PLXNA2: variants seen among roughly 807,000 people sequenced by gnomAD.
PLXNA2 encodes the protein plexin-A2.
Under a neutral mutation model 193.5 loss-of-function variants are expected in PLXNA2, and 91 were observed. That is an observed-to-expected ratio of 0.47 (90% confidence interval 0.40 to 0.56). The LOEUF is 0.56. Ranked by LOEUF, PLXNA2 falls within the 20% of genes least tolerant of loss-of-function variation. The pLI is 0.00. For missense variants in PLXNA2, 1,995 were observed against 2,503.2 expected (o/e 0.80, Z 4.33); for synonymous variants, 997 against 1,027.3 (o/e 0.97, Z 0.56).
At chr1:208,135,895 G>A (rs859499) in intron 4 of PLXNA2, among the ~76,000 whole-genome samples, 48,367 of 152,056 alleles carry the variant, frequency 0.32, 8,002 homozygotes, top group South Asian at 0.39. Context: ...GACCGACTGC[G>A]TGACTGCCAA....
chr1:208,189,118 G>A (rs1013680092), intron 3 of PLXNA2, among the ~76,000 whole-genome samples: 2 of 152,194 alleles, frequency 1.3e-5, no homozygotes, highest in Non-Finnish European at 2.9e-5. Context: ...CAAGGACAAG[G>A]CATCTTGGGG....
intron 1 of PLXNA2, among the ~76,000 whole-genome samples, chr1:208,241,419 G>T (rs764322634): frequency 6.6e-6 from 1 of 152,290 alleles, no homozygotes; most frequent in Middle Eastern, 3.4e-3. Context: ...GGTTTTGGGC[G>T]ATGGACATAA....
At chr1:208,186,708 A>ATTTTGTTTTTTGTTTTT (rs368056918) in intron 3 of PLXNA2, among the ~76,000 whole-genome samples, 3 of 111,698 alleles carry the variant, frequency 2.7e-5, no homozygotes, top group East Asian at 3.6e-4. Context: ...TTGCAATGTT[A>ATTTTGTTTTTTGTTTTT]TTTTATTTTT....
intron 5 of PLXNA2, among the ~76,000 whole-genome samples, chr1:208,101,298 C>T (rs989878380): frequency 6.6e-6 from 1 of 152,196 alleles, no homozygotes; most frequent in East Asian, 1.9e-4. Flanking sequence ...TTAAAGAGGC[C>T]ACCGTGGGGA....
intron 12 of PLXNA2, 64 bp from the exon 13 acceptor site, chr1:208,060,901 T>TC (rs1242553302): frequency 5.7e-5 from 85 of 1,495,758 alleles, no homozygotes; most frequent in Admixed American, 1.8e-5. Flanking sequence ...GCAGCACCCT[T>TC]CCCCCTCCCC....
At chr1:208,186,708 A>ATTTTGTTTTTTTTTTTTTTTTTT (rs368056918) in intron 3 of PLXNA2, among the ~76,000 whole-genome samples, 1 of 111,698 alleles carries the variant, frequency 9.0e-6, no homozygotes, top group African/African-American at 3.0e-5. Flanking sequence ...TTGCAATGTT[A>ATTTTGTTTTTTTTTTTTTTTTTT]TTTTATTTTT....
rs541380918 is a variant in PLXNA2, at chr1:208,044,024, C to T, written c.3874+484G>A. Among the ~76,000 whole-genome samples, 53 of 152,300 alleles carry T rather than the reference C, an allele frequency of 3.5e-4. No individual in the cohort carries two copies. The highest frequency in any genetic ancestry group is 8.7e-4 in the African/African-American group (36 of 41,558). On this transcript the variant is annotated intron_variant, in intron 20 of 31. Coordinates refer to ENST00000367033, the MANE Select transcript of PLXNA2 (RefSeq NM_025179.4). This position sits in a 1 kb window ranked among gnomAD's most constrained non-coding sequence, Gnocchi z 4.9. ...CACAGCCAAGGACACCAGCAAGTGG[C>T]GGCCTTCAGAGCGCTCAGCCTGCAG...
chr1:208,045,277 A>G (rs1665023288), intron 18 of PLXNA2, 67 bp from the exon 19 acceptor site: 3 of 1,529,934 alleles, frequency 2.0e-6, no homozygotes, highest in Non-Finnish European at 2.7e-6. Context: ...TGCCTACTTA[A>G]AAAGAGATTA....
At chr1:208,164,754 GTCCGGCAGCGGC>G (rs1669243781) in intron 3 of PLXNA2, among the ~76,000 whole-genome samples, 1 of 152,312 alleles carries the variant, frequency 6.6e-6, no homozygotes, top group Non-Finnish European at 1.5e-5. Context: ...CTGGGCGTCA[GTCCGGCAGCGGC>G]TCCCTGGGGG....
chr1:208,110,573 G>A (rs767475451), intron 4 of PLXNA2, among the ~76,000 whole-genome samples: 38 of 152,216 alleles, frequency 2.5e-4, no homozygotes, highest in Non-Finnish European at 4.7e-4. Flanking sequence ...TGCCAGGCAC[G>A]TCACATAGAT....
At chr1:208,166,892 C>T (rs530893489) in intron 3 of PLXNA2, among the ~76,000 whole-genome samples, 4 of 152,286 alleles carry the variant, frequency 2.6e-5, no homozygotes, top group Non-Finnish European at 4.4e-5. Context: ...ACTCCTTCCT[C>T]CTCACTCCAA....
rs146769546 is a variant in PLXNA2 at position 208,203,424 on chromosome 1, G to A, written c.1371+6856C>T. Reference sequence around the variant, plus strand: ...TCAGATGGGCGGTCTCAGGTCCCAGGAGAGCCACTAAGTCTCTTAGATGTG... The same window carrying A: ...TCAGATGGGCGGTCTCAGGTCCCAGAAGAGCCACTAAGTCTCTTAGATGTG... On this transcript the variant is annotated intron_variant, in intron 3 of 31. Coordinates refer to ENST00000367033, the MANE Select transcript of PLXNA2 (RefSeq NM_025179.4). Among the ~76,000 whole-genome samples, 521 of 152,292 alleles carry A rather than the reference G, an allele frequency of 3.4e-3. 2 individuals are homozygous for A. Among genetic ancestry groups the A allele is most frequent in the African/African-American group, 0.012 (504 of 41,560 alleles).
rs1664418139 is a variant in PLXNA2 at position 208,028,883 on chromosome 1, G to A, written c.5385C>T (p.Ser1795=). The A allele has an allele frequency of 1.2e-6, 2 of 1,614,204 alleles. No individual in the cohort carries two copies. Among genetic ancestry groups the A allele is most frequent in the Non-Finnish European group, 1.7e-6 (2 of 1,180,032 alleles). Residue 1795 remains serine, a synonymous_variant, in exon 30 of 32, where the codon TCC becomes TCT. Coordinates refer to ENST00000367033, the MANE Select transcript of PLXNA2 (RefSeq NM_025179.4). This position sits in a 1 kb window ranked among gnomAD's most constrained non-coding sequence, Gnocchi z 4.2. The stretch of plus-strand genomic sequence containing the variant: ...TGTCCTTGGCATAGAGCAGCTTGTT[G>A]GAGGGGGAGTCCTTGCCCAGCCGGT... ...SEHRLGKDSP[S]NKLLYAKDIP... is the part of the protein sequence containing the mutation.
chr1:208,035,481 G>A (rs1309265510), intron 26 of PLXNA2, among the ~76,000 whole-genome samples: 1 of 152,126 alleles, frequency 6.6e-6, no homozygotes. Flanking sequence ...CATCCTCTAT[G>A]AGGGTACCCC....
chr1:208,131,663 C>A (rs1410007491), intron 4 of PLXNA2, among the ~76,000 whole-genome samples: 1 of 152,168 alleles, frequency 6.6e-6, no homozygotes, highest in East Asian at 1.9e-4. Context: ...TTGCATGGTT[C>A]ACACTTGAAA....
chr1:208,155,287 C>G (rs754208282), intron 3 of PLXNA2, among the ~76,000 whole-genome samples: 1 of 152,176 alleles, frequency 6.6e-6, no homozygotes, highest in Non-Finnish European at 1.5e-5. Context: ...CCTTCTGTCT[C>G]AGACCCTTTT....
Position 208,060,907 on chromosome 1 carries a change from T to A in PLXNA2, c.2587-70A>T. 3 of 1,465,384 alleles carry A rather than the reference T, an allele frequency of 2.0e-6. No homozygotes were observed. In the South Asian group the frequency reaches 3.7e-5, roughly 18 times the overall value. The allele number at this position is 1,465,384 out of a possible 1,614,324, so 90.8% of individuals were successfully genotyped here. The stretch of plus-strand genomic sequence containing the variant: ...ACAGAAACAGCAGCACCCTTCCCCC[T>A]CCCCCAGGGAGGTTTAAGAACCTCC... On this transcript the variant is annotated intron_variant, in intron 12 of 31. Transcript: ENST00000367033.
intron 8 of PLXNA2, among the ~76,000 whole-genome samples, chr1:208,095,548 T>C (rs921552831): frequency 6.6e-6 from 1 of 152,156 alleles, no homozygotes; most frequent in Non-Finnish European, 1.5e-5. Context: ...CCAGGTCTTT[T>C]TATCATGTGC....
At chr1:208,233,916 A>T (rs547615957) in intron 1 of PLXNA2, among the ~76,000 whole-genome samples, 1 of 152,326 alleles carries the variant, frequency 6.6e-6, no homozygotes, top group Non-Finnish European at 1.5e-5. Context: ...TTGACACCAC[A>T]CTGCGCAGCA....
Sources: gnomAD v4.1 joint callset for allele counts (sites outside exome capture counted in the v4.1 genomes callset) on GRCh38, gnomAD v4.1.1 for gene constraint, Gnocchi (gnomAD v3.1) non-coding constraint, MANE v1.5 for transcripts, NCBI Gene and HGNC (gene_info 2026-07-23, HGNC 2026-07-21) for gene names.